MTCL1: variants seen among roughly 807,000 people sequenced by gnomAD.
MTCL1 encodes the protein microtubule cross-linking factor 1.
MTCL1 carries 79 observed loss-of-function variants against 141.4 expected under a neutral mutation model. That is an observed-to-expected ratio of 0.56 (90% CI 0.47 to 0.67). The LOEUF is 0.67. Among genes scored for constraint, MTCL1 ranks in the 30% least tolerant of loss-of-function variants. MTCL1 has a pLI of 0.00. For missense variants in MTCL1, 2,177 were observed against 2,113.9 expected (o/e 1.03, Z -0.59); for synonymous variants, 914 against 875.8 (o/e 1.04, Z -0.77).
chr18:8,742,644 C>T (rs1213068199), intron 4 of MTCL1, among the ~76,000 whole-genome samples: 2 of 152,212 alleles, frequency 1.3e-5, no homozygotes, highest in South Asian at 2.1e-4. Flanking sequence ...CATTACAATT[C>T]AAGGTGAGGT....
chr18:8,787,390 CCCT>C (rs2096560081), intron 7 of MTCL1: 1 of 152,436 alleles, frequency 6.6e-6, no homozygotes, highest in African/African-American at 2.4e-5. Context: ...TGCCAGTAAG[CCCT>C]CCTCCTGGTT....
chr18:8,736,574 C>G (rs2096275408), intron 4 of MTCL1, among the ~76,000 whole-genome samples: 1 of 151,522 alleles, frequency 6.6e-6, no homozygotes, highest in Admixed American at 6.6e-5. Flanking sequence ...GGGTTTCTAC[C>G]AGTAATGTTG....
chr18:8,775,407 C>CAAAAAAAAAAAAA (rs2096502807), intron 4 of MTCL1, among the ~76,000 whole-genome samples: 1 of 127,664 alleles, frequency 7.8e-6, no homozygotes, highest in East Asian at 2.3e-4. Context: ...CTCGTCTCTA[C>CAAAAAAAAAAAAA]TAAAAAAAAA....
chr18:8,712,960 A>T (rs2096103138), upstream of MTCL1, among the ~76,000 whole-genome samples: 2 of 152,236 alleles, frequency 1.3e-5, no homozygotes, highest in South Asian at 4.1e-4. Flanking sequence ...TAAGATTTTC[A>T]TATAGTTATT....
chr18:8,794,906 C>T (rs993977542), intron 8 of MTCL1, among the ~76,000 whole-genome samples: 4 of 152,108 alleles, frequency 2.6e-5, no homozygotes, highest in African/African-American at 7.2e-5. Context: ...ATCCCATGAC[C>T]GTTACATCTT....
At chr18:8,831,152 G>A (rs1273834547) in intron 16 of MTCL1, 1 of 989,074 alleles carries the variant, frequency 1.0e-6, no homozygotes, top group Non-Finnish European at 1.2e-6. Flanking sequence ...TGAAATCAGA[G>A]GTCTCTTTGT....
chr18:8,831,829 A>C, exon 17 of MTCL1: 1 of 1,549,470 alleles, frequency 6.5e-7, no homozygotes, highest in Non-Finnish European at 8.7e-7. Flanking sequence ...ATCACAGTAT[A>C]ATTCACTGTA....
At chr18:8,825,427 A>G in exon 15 of MTCL1, 5 of 1,557,500 alleles carry the variant, frequency 3.2e-6, no homozygotes, top group East Asian at 2.3e-5. Context: ...CAAGTCAAGG[A>G]CATGGCCTGC....
chr18:8,828,881 TTTTC>T lies in MTCL1; in HGVS notation c.4723-21_4723-18del. On this transcript the variant is annotated intron_variant, in intron 15 of 16. Coordinates refer to ENST00000359865, the Ensembl canonical transcript of MTCL1. The surrounding 1 kb of genome is among the most constrained non-coding windows in gnomAD (Gnocchi z 5.2). ...ACACTTTCCAACCTTCTTGCTTTTC[TTTTC>T]TTTCTCTGTCTGTTCTGTCCAGAAC... 6.2e-7 allele frequency: 1 copy of T among 1,614,206 alleles called. No homozygotes were observed. The highest frequency in any genetic ancestry group is 8.5e-7 in the Non-Finnish European group (1 of 1,180,030).
At chr18:8,792,657 G>A (rs1268171825) in intron 7 of MTCL1, among the ~76,000 whole-genome samples, 5 of 152,178 alleles carry the variant, frequency 3.3e-5, no homozygotes, top group South Asian at 2.1e-4. Flanking sequence ...TGACCATCCC[G>A]GCGTCCAGAA....
exon 15 of MTCL1, chr18:8,826,070 T>C: frequency 6.2e-7 from 1 of 1,610,764 alleles, no homozygotes; most frequent in African/African-American, 1.3e-5. Context: ...ACTTATCTGC[T>C]CCCCCTGGCT....
chr18:8,805,782 C>G (rs2076279194), intron 10 of MTCL1, among the ~76,000 whole-genome samples: 1 of 152,152 alleles, frequency 6.6e-6, no homozygotes, highest in Non-Finnish European at 1.5e-5. Context: ...AAAGAATGCC[C>G]TGAGACCGCC....
chr18:8,785,578 C>A (rs1466012107), intron 6 of MTCL1: 2 of 249,892 alleles, frequency 8.0e-6, no homozygotes, highest in South Asian at 1.1e-4. Flanking sequence ...CCTCGTTTTC[C>A]GTTTCCTTCA....
intron 7 of MTCL1, chr18:8,786,449 C>A: frequency 2.2e-6 from 1 of 464,562 alleles, no homozygotes; most frequent in Non-Finnish European, 4.2e-6. Context: ...ACGGGCTTCC[C>A]TGCTCTGGAG....
At chr18:8,781,653 T>C (rs942541652) in intron 5 of MTCL1, among the ~76,000 whole-genome samples, 4 of 152,338 alleles carry the variant, frequency 2.6e-5, no homozygotes, top group African/African-American at 9.6e-5. Context: ...ACTTTTTAGG[T>C]TTATGATTTA....
At chr18:8,782,827 C>T (rs879938725) in intron 5 of MTCL1, 1 of 152,264 alleles carries the variant, frequency 6.6e-6, no homozygotes, top group African/African-American at 2.4e-5. Flanking sequence ...TGACTCAGTA[C>T]GTGCCTGGAC....
intron 4 of MTCL1, among the ~76,000 whole-genome samples, chr18:8,723,136 G>A (rs1246825000): frequency 1.3e-5 from 2 of 152,140 alleles, no homozygotes; most frequent in Non-Finnish European, 2.9e-5. Flanking sequence ...TGGTGGGACC[G>A]CATATTTACA....
upstream of MTCL1, among the ~76,000 whole-genome samples, chr18:8,714,954 G>T (rs377063514): frequency 3.3e-5 from 5 of 151,986 alleles, no homozygotes; most frequent in Non-Finnish European, 5.9e-5. Context: ...CCGCCACCAC[G>T]CCTGGCTAAT....
At chr18:8,777,758 T>C (rs1429119609) in intron 4 of MTCL1, 75 bp from the exon 4 acceptor site, 3 of 1,362,598 alleles carry the variant, frequency 2.2e-6, no homozygotes, top group Non-Finnish European at 3.1e-6. Flanking sequence ...TCCCCACCCA[T>C]GGGGACGATG....
Sources: gnomAD v4.1 joint callset for allele counts (sites outside exome capture counted in the v4.1 genomes callset) on GRCh38, gnomAD v4.1.1 for gene constraint, Gnocchi (gnomAD v3.1) non-coding constraint, MANE v1.5 for transcripts, NCBI Gene and HGNC (gene_info 2026-07-23, HGNC 2026-07-21) for gene names.